ABI3BP: variants seen among roughly 807,000 people sequenced by gnomAD.
The protein encoded by ABI3BP is target of Nesh-SH3.
A neutral mutation model predicts 268.6 loss-of-function variants in ABI3BP; 216 were observed. That is an observed-to-expected ratio of 0.80 (90% CI 0.72 to 0.90). ABI3BP has a LOEUF of 0.90. Ranked by LOEUF, ABI3BP falls within the 40% of genes least tolerant of loss-of-function variation. The probability of loss-of-function intolerance (pLI) is 0.00; values close to 1 mark genes in which losing one functional copy is unlikely to be tolerated. For missense variants in ABI3BP, 2,090 were observed against 2,182.4 expected (o/e 0.96, Z 0.84); for synonymous variants, 730 against 730.0 (o/e 1.00, Z 0.00).
chr3:100,967,756 G>A (rs1432467190), intron 1 of ABI3BP, among the ~76,000 whole-genome samples: 2 of 151,996 alleles, frequency 1.3e-5, no homozygotes, highest in African/African-American at 2.4e-5. Context: ...TATTAGTCTA[G>A]GAATAGAAAT....
chr3:100,839,438 G>A, intron 24 of ABI3BP, 131 bp downstream of exon 24: 2 of 979,728 alleles, frequency 2.0e-6, no homozygotes, highest in South Asian at 2.8e-5. Flanking sequence ...GACCCAGACA[G>A]GAAAGGTGAG....
Position 100,898,909 on chromosome 3 carries a change from T to C in ABI3BP, c.329-15A>G. 6.3e-7 allele frequency: 1 copy of C among 1,594,722 alleles called. No homozygotes were observed. The highest frequency in any genetic ancestry group is 8.5e-7 in the Non-Finnish European group (1 of 1,171,732). The stretch of plus-strand genomic sequence containing the variant: ...ACGAGTTTTACCTGTGGAGGTGGCA[T>C]AGAGGTTAATAATTCAGGAGACATT... On this transcript the variant is annotated splice_polypyrimidine_tract_variant and intron_variant, in intron 3 of 67. Coordinates refer to ENST00000471714, the MANE Select transcript of ABI3BP (RefSeq NM_001375547.2).
intron 19 of ABI3BP, 60 bp downstream of exon 19, chr3:100,847,542 G>T: frequency 7.2e-7 from 1 of 1,379,918 alleles, no homozygotes; most frequent in Non-Finnish European, 1.0e-6. Flanking sequence ...AAAAGCTGGG[G>T]TACTGGATTT....
At chr3:100,923,843 A>T (rs1189087550) in intron 2 of ABI3BP, among the ~76,000 whole-genome samples, 1 of 152,202 alleles carries the variant, frequency 6.6e-6, no homozygotes, top group African/African-American at 2.4e-5. Flanking sequence ...TTATCAAAAG[A>T]TGCTAAAACC....
intron 6 of ABI3BP, among the ~76,000 whole-genome samples, chr3:100,881,078 C>T (rs1305639981): frequency 6.6e-6 from 1 of 152,178 alleles, no homozygotes; most frequent in Non-Finnish European, 1.5e-5. Context: ...CTGACTCAAT[C>T]TAACATCTGG....
At chr3:100,838,157 C>CTGAA in intron 26 of ABI3BP, 53 bp downstream of exon 26, 3 of 1,454,946 alleles carry the variant, frequency 2.1e-6, no homozygotes, top group Non-Finnish European at 2.8e-6. Flanking sequence ...ACATTTTCAG[C>CTGAA]AATGTTTCCA....
rs752331274 is a variant in ABI3BP, at chr3:100,898,928, A to T, written c.329-34T>A. The stretch of plus-strand genomic sequence containing the variant: ...GTGGCATAGAGGTTAATAATTCAGG[A>T]GACATTTAGTAAGTTGCCATGATTC... On this transcript the variant is annotated intron_variant, in intron 3 of 67. Transcript: ENST00000471714. The T allele has an allele frequency of 2.6e-6, 4 of 1,566,584 alleles. No individual in the cohort carries two copies. The South Asian group carries it at 3.6e-5, about 14-fold the overall frequency.
intron 1 of ABI3BP, among the ~76,000 whole-genome samples, chr3:100,983,465 G>T (rs1168892214): frequency 1.3e-5 from 2 of 152,100 alleles, no homozygotes; most frequent in Non-Finnish European, 2.9e-5. Context: ...AAATCATGAG[G>T]TGCTTTGTTT....
At chr3:100,911,477 G>T in intron 2 of ABI3BP, 1 of 399,842 alleles carries the variant, frequency 2.5e-6, no homozygotes, top group Non-Finnish European at 4.6e-6. Flanking sequence ...TTTATTTATT[G>T]CTTGTTCATT....
intron 27 of ABI3BP, among the ~76,000 whole-genome samples, 180 bp from the exon 28 acceptor site, chr3:100,835,840 C>T (rs2098574180): frequency 6.6e-6 from 1 of 152,090 alleles, no homozygotes; most frequent in Admixed American, 6.6e-5. Context: ...ACAAAATACC[C>T]ATACCCTTTG....
chr3:100,821,047 C>CTAT lies in ABI3BP; in HGVS notation c.2947+4_2947+6dup. Reference sequence around the variant, plus strand: ...AACACTTAATGAGGATTGCAACGTGCTATTACCTTGTGTTGTCACCCAAGT... The same window carrying CTAT: ...AACACTTAATGAGGATTGCAACGTGCTATTATTACCTTGTGTTGTCACCCAAGT... On this transcript the variant is annotated splice_region_variant and intron_variant, in intron 39 of 67. Transcript: ENST00000471714. The CTAT allele has an allele frequency of 6.5e-7, 1 of 1,534,790 alleles. No individual in the cohort carries two copies. The highest frequency in any genetic ancestry group is 8.7e-7 in the Non-Finnish European group (1 of 1,145,756).
intron 54 of ABI3BP, among the ~76,000 whole-genome samples, chr3:100,792,996 A>G (rs1348976353): frequency 6.6e-6 from 1 of 151,910 alleles, no homozygotes; most frequent in African/African-American, 2.4e-5. Context: ...AAGGATTTCC[A>G]AAAGCTTTTA....
intron 50 of ABI3BP, among the ~76,000 whole-genome samples, chr3:100,807,526 T>C (rs2097747205): frequency 6.6e-6 from 1 of 152,022 alleles, no homozygotes; most frequent in Non-Finnish European, 1.5e-5. Context: ...TTTCCCTCAA[T>C]TGATATTAGA....
intron 1 of ABI3BP, among the ~76,000 whole-genome samples, chr3:100,982,045 TG>T (rs1249761731): frequency 6.6e-6 from 1 of 152,176 alleles, no homozygotes; most frequent in Non-Finnish European, 1.5e-5. Context: ...CTTAGAATTA[TG>T]GCAGAAGGGG....
intron 1 of ABI3BP, among the ~76,000 whole-genome samples, chr3:100,988,640 C>T (rs1010898705): frequency 2.0e-4 from 30 of 152,122 alleles, no homozygotes; most frequent in African/African-American, 6.5e-4. Context: ...ATGCTTTGTG[C>T]TTCACCCACA....
intron 1 of ABI3BP, among the ~76,000 whole-genome samples, chr3:100,988,083 A>G (rs1053917432): frequency 6.6e-6 from 1 of 152,224 alleles, no homozygotes; most frequent in Non-Finnish European, 1.5e-5. Context: ...AACCACACCA[A>G]GTAGGCTTTG....
intron 2 of ABI3BP, among the ~76,000 whole-genome samples, chr3:100,905,155 G>A (rs549529788): frequency 0.015 from 2,347 of 152,036 alleles, 26 homozygotes; most frequent in Middle Eastern, 0.031. Context: ...GCAAACTATC[G>A]CAAGGACAAA....
intron 2 of ABI3BP, 106 bp from the exon 3 acceptor site, chr3:100,902,792 G>T (rs565550423): frequency 1.1e-6 from 1 of 881,726 alleles, no homozygotes; most frequent in East Asian, 2.6e-5. Flanking sequence ...CTCCATAACC[G>T]CAGCTCCAGG....
chr3:100,985,188 C>T (rs527753084), intron 1 of ABI3BP, among the ~76,000 whole-genome samples: 11 of 122,244 alleles, frequency 9.0e-5, no homozygotes, highest in Middle Eastern at 9.8e-3. Context: ...CTTGCTCTGT[C>T]GCCCAGGCTG....
Sources: gnomAD v4.1 joint callset for allele counts (sites outside exome capture counted in the v4.1 genomes callset) on GRCh38, gnomAD v4.1.1 for gene constraint, MANE v1.5 for transcripts, NCBI Gene and HGNC (gene_info 2026-07-23, HGNC 2026-07-21) for gene names.